LRP11: variants seen among roughly 807,000 people sequenced by gnomAD.
The protein encoded by LRP11 is low-density lipoprotein receptor-related protein 11.
LRP11 carries 25 observed loss-of-function variants against 43.1 expected under a neutral mutation model. The ratio of observed to expected loss-of-function variants is 0.58; its 90% CI spans 0.42 to 0.81. The LOEUF (loss-of-function observed/expected upper bound fraction) is 0.81, where lower values mean the gene tolerates loss of function less well. Among genes scored for constraint, LRP11 ranks in the 30% least tolerant of loss-of-function variants. The pLI, the probability that LRP11 is intolerant of heterozygous loss-of-function variation, is 0.00. For synonymous variants in LRP11, 316 were observed against 299.4 expected (o/e 1.06, Z -0.57); for missense variants, 623 against 665.1 (o/e 0.94, Z 0.70).
intron 1 of LRP11, among the ~76,000 whole-genome samples, chr6:149,863,023 G>T (rs764951242): frequency 2.0e-5 from 3 of 152,204 alleles, no homozygotes; most frequent in Non-Finnish European, 4.4e-5. Flanking sequence ...AGGAGTGGGT[G>T]TTACGAGAAG....
At position 149,836,201 on chromosome 6, in the gene LRP11, A is replaced by T. The variant is rs1776469153; in HGVS notation, c.1136T>A (p.Val379Glu). The part of the protein sequence containing the change: ...PSEDAGGDSL[V>E]EKSQKATAPN... ...GGCAGTGGCTTTCTGAGACTTTTCC[A>T]CCAAGGAGTCACCCCCTGCATCTTC... Residue 379 changes from valine to glutamate, a missense_variant, in exon 5 of 7, where the codon GTG becomes GAG. Val to Glu is a moderately radical substitution (Grantham distance 121). Coordinates refer to ENST00000239367, the MANE Select transcript of LRP11 (RefSeq NM_032832.6). The T allele has an allele frequency of 6.2e-7, 1 of 1,613,970 alleles. No individual in the cohort carries two copies. The highest frequency in any genetic ancestry group is 1.3e-5 in the African/African-American group (1 of 74,980).
Position 149,837,327 on chromosome 6 carries a change from A to T in LRP11, c.1039+11T>A. 1 of 1,612,768 alleles carries T rather than the reference A, an allele frequency of 6.2e-7. No homozygotes were observed. The highest frequency in any genetic ancestry group is 8.5e-7 in the Non-Finnish European group (1 of 1,179,588). On this transcript the variant is annotated intron_variant, in intron 4 of 6. Transcript: ENST00000239367. ...CAGCCACTGCCTAGCAATGTGACAT[A>T]GCCAACTCACGATTCTGGCAGAAGT...
At chr6:149,837,586 G>C in intron 3 of LRP11, 123 bp from the exon 4 acceptor site, 1 of 983,082 alleles carries the variant, frequency 1.0e-6, no homozygotes, top group East Asian at 2.6e-5. Context: ...AAATAATGAG[G>C]CAAACCTAAC....
intron 6 of LRP11, among the ~76,000 whole-genome samples, chr6:149,823,245 A>C (rs1776298946): frequency 6.6e-6 from 1 of 152,216 alleles, no homozygotes; most frequent in South Asian, 2.1e-4. Flanking sequence ...TGGATTTAGC[A>C]ATTGGTAATT....
Position 149,864,243 on chromosome 6 carries a change from T to G in LRP11, c.-223A>C. The G allele has an allele frequency of 9.2e-7, 1 of 1,089,238 alleles. No individual in the cohort carries two copies. The allele number at this position is 1,089,238 out of a possible 1,614,324, so 67.5% of individuals were successfully genotyped here. ...CATAGCCGGCCCAGCCGGGCACCGC[T>G]CCTTGCCCTCGCCGGAGACTGCCCA... On this transcript the variant is annotated 5_prime_UTR_variant, in exon 1 of 7. Coordinates refer to ENST00000239367, the MANE Select transcript of LRP11 (RefSeq NM_032832.6).
Position 149,863,594 on chromosome 6 carries a change from C to A in LRP11, c.427G>T (p.Ala143Ser). 1 of 1,431,624 alleles carries A rather than the reference C, an allele frequency of 7.0e-7. No individual in the cohort carries two copies. Among genetic ancestry groups the A allele is most frequent in the Non-Finnish European group, 9.1e-7 (1 of 1,097,832 alleles). The allele number at this position is 1,431,624 out of a possible 1,614,324, so 88.7% of individuals were successfully genotyped here. ...GGGCGCCGGGGCAGCTCCACCACGG[C>A]CACGGAGCAGCGCGGCTCGGAGCAG... ...ACCSEPRCSV[A>S]VVELPRRPAP... The change falls in exon 1 of 7, where the codon GCC (alanine) becomes TCC (serine). Residue 143 changes from alanine to serine, a missense_variant. Coordinates refer to ENST00000239367, the MANE Select transcript of LRP11 (RefSeq NM_032832.6).
intron 1 of LRP11, 30 bp from the exon 2 acceptor site, chr6:149,853,190 G>C: frequency 6.6e-7 from 1 of 1,510,166 alleles, no homozygotes; most frequent in South Asian, 1.3e-5. Flanking sequence ...ATTCATAAAA[G>C]ATGATTTCTT....
At chr6:149,840,380 A>G (rs1237117937) in intron 3 of LRP11, among the ~76,000 whole-genome samples, 1 of 152,218 alleles carries the variant, frequency 6.6e-6, no homozygotes, top group Non-Finnish European at 1.5e-5. Flanking sequence ...TACCCACACA[A>G]GACCTATACT....
chr6:149,863,156 C>G (rs1291070242), intron 1 of LRP11, among the ~76,000 whole-genome samples: 1 of 152,168 alleles, frequency 6.6e-6, no homozygotes, highest in Non-Finnish European at 1.5e-5. Flanking sequence ...CATATTTCCA[C>G]GAATCCTCTC....
chr6:149,842,619 G>A, intron 3 of LRP11: 2 of 1,550,144 alleles, frequency 1.3e-6, no homozygotes, highest in Non-Finnish European at 1.7e-6. Flanking sequence ...AGTTCAACTG[G>A]TTTCACTAAA....
rs148755002 is a variant in LRP11, at chr6:149,827,860, T to A, written c.1253-1501A>T. 0.015 allele frequency among the ~76,000 whole-genome samples: 2,343 copies of A among 151,952 alleles called. 71 individuals are homozygous for A. Among genetic ancestry groups the A allele is most frequent in the African/African-American group, 0.053 (2,211 of 41,448 alleles). ...AACATGGCAAAACCCTGTCTCTACT[T>A]AAAATACAAAAAAAATTAGCCAGGC... On this transcript the variant is annotated intron_variant, in intron 5 of 6. Coordinates refer to ENST00000239367, the MANE Select transcript of LRP11 (RefSeq NM_032832.6). The surrounding 1 kb of genome is among the most constrained non-coding windows in gnomAD (Gnocchi z 4.2).
intron 2 of LRP11, among the ~76,000 whole-genome samples, chr6:149,844,054 A>G (rs1013931865): frequency 2.0e-5 from 3 of 152,082 alleles, no homozygotes; most frequent in Admixed American, 1.3e-4. Context: ...GGAGATGGAG[A>G]CCATCTTGGC....
intron 1 of LRP11, among the ~76,000 whole-genome samples, chr6:149,854,224 G>T (rs1316397038): frequency 6.6e-6 from 1 of 152,156 alleles, no homozygotes; most frequent in Non-Finnish European, 1.5e-5. Context: ...GGGCTCAAGT[G>T]ATCCTCCTGC....
intron 5 of LRP11, among the ~76,000 whole-genome samples, chr6:149,831,473 A>C (rs912865588): frequency 6.6e-6 from 1 of 152,260 alleles, no homozygotes; most frequent in Non-Finnish European, 1.5e-5. Flanking sequence ...GACCATGGTC[A>C]ACAATCCAGC....
intron 3 of LRP11, among the ~76,000 whole-genome samples, chr6:149,839,587 G>A (rs1382773657): frequency 6.6e-6 from 1 of 152,196 alleles, no homozygotes; most frequent in Non-Finnish European, 1.5e-5. Flanking sequence ...TGGATTAGCA[G>A]CCTCCAAACT....
Position 149,837,322 on chromosome 6 carries a change from G to A in LRP11, c.1039+16C>T, listed in dbSNP as rs765760466. 1.9e-6 allele frequency: 3 copies of A among 1,612,340 alleles called. No homozygotes were observed. The South Asian group carries it at 3.3e-5, about 18-fold the overall frequency. On this transcript the variant is annotated intron_variant, in intron 4 of 6. Transcript: ENST00000239367. ...CCTTCCAGCCACTGCCTAGCAATGT[G>A]ACATAGCCAACTCACGATTCTGGCA...
intron 6 of LRP11, among the ~76,000 whole-genome samples, chr6:149,824,760 T>A (rs1776317075): frequency 6.6e-6 from 1 of 152,168 alleles, no homozygotes; most frequent in Non-Finnish European, 1.5e-5. Flanking sequence ...CTAGGGAGGC[T>A]GAGGCAGGGG....
At chr6:149,830,113 C>T (rs567069181) in intron 5 of LRP11, among the ~76,000 whole-genome samples, 2 of 150,732 alleles carry the variant, frequency 1.3e-5, no homozygotes, top group East Asian at 3.9e-4. Context: ...TGGGTTCAAG[C>T]GATTCTCCTG....
At position 149,853,126 on chromosome 6, in the gene LRP11, C is replaced by G. The variant is rs1049431523; in HGVS notation, c.648G>C (p.Gln216His). 3.3e-5 allele frequency: 53 copies of G among 1,607,116 alleles called. No individual in the cohort carries two copies. The highest frequency in any genetic ancestry group is 4.3e-5 in the Non-Finnish European group (51 of 1,177,240). ...CTGTGGGCAGATGCAGAACCACATCCTGCCCAGCCTTGCTAAGTGGAGGCG... is the reference window on the plus strand; with the variant it reads ...CTGTGGGCAGATGCAGAACCACATCGTGCCCAGCCTTGCTAAGTGGAGGCG... Reference protein sequence around the residue: ...KDAPPLSKAGQDVVLHLPTDG... With the variant: ...KDAPPLSKAGHDVVLHLPTDG... The change falls in exon 2 of 7, where the codon CAG becomes CAC. Residue 216 changes from glutamine to histidine, a missense_variant. Gln to His is a conservative substitution (Grantham distance 24). Coordinates refer to ENST00000239367, the MANE Select transcript of LRP11 (RefSeq NM_032832.6).
Sources: gnomAD v4.1 joint callset for allele counts (sites outside exome capture counted in the v4.1 genomes callset) on GRCh38, gnomAD v4.1.1 for gene constraint, Gnocchi (gnomAD v3.1) non-coding constraint, MANE v1.5 for transcripts, NCBI Gene and HGNC (gene_info 2026-07-23, HGNC 2026-07-21) for gene names.